KLHL6: variants seen among roughly 807,000 people sequenced by gnomAD.
The protein encoded by KLHL6 is kelch like family member 6.
A neutral mutation model predicts 58.6 loss-of-function variants in KLHL6; 41 were observed. That is an observed-to-expected ratio of 0.70 (90% CI 0.55 to 0.91). KLHL6 has a LOEUF of 0.91. Ranked by LOEUF, KLHL6 falls within the 40% of genes least tolerant of loss-of-function variation. The pLI, the probability that KLHL6 is intolerant of heterozygous loss-of-function variation, is 0.00. For synonymous variants in KLHL6, 338 were observed against 322.7 expected (o/e 1.05, Z -0.51); for missense variants, 714 against 805.6 (o/e 0.89, Z 1.38).
intron 2 of KLHL6, among the ~76,000 whole-genome samples, chr3:183,519,895 C>CAAAAAAAAAAAAAAA (rs56101517): frequency 3.6e-5 from 3 of 83,256 alleles, no homozygotes; most frequent in African/African-American, 1.1e-4. Context: ...AACCCTGTCT[C>CAAAAAAAAAAAAAAA]AAAAAAAAAA....
intron 3 of KLHL6, among the ~76,000 whole-genome samples, chr3:183,500,348 G>C (rs576319184): frequency 1.5e-3 from 222 of 152,318 alleles, no homozygotes; most frequent in African/African-American, 5.1e-3. Flanking sequence ...GAAGGAATCA[G>C]GGTGTGGCCA....
At chr3:183,521,493 TC>T (rs1342119757) in intron 2 of KLHL6, 1 of 152,186 alleles carries the variant, frequency 6.6e-6, no homozygotes, top group African/African-American at 2.4e-5. Context: ...CTAGCTGCCT[TC>T]AGGGTGATGG....
rs144672351 is a variant in KLHL6, at chr3:183,506,829, AAAATAAATAAATAAATAAATAAAT to A, written c.909+1206_909+1229del. ...GGCAACAGAGCAAGACCTCCTCTCA[AAAATAAATAAATAAATAAATAAAT>A]AAATAAATAAATAAATAAATAAAAG... On this transcript the variant is annotated intron_variant, in intron 3 of 6. Transcript: ENST00000341319. 4.9e-5 allele frequency among the ~76,000 whole-genome samples: 7 copies of A among 143,812 alleles called. No individual in the cohort carries two copies. The East Asian group carries it at 6.0e-4, about 12-fold the overall frequency. 94.3% of individuals were successfully genotyped at this position (143,812 alleles called of 152,430 possible). A position where few individuals can be genotyped will look rare whatever the true frequency, so the allele number is the denominator to read the frequency against.
At chr3:183,513,549 C>T (rs530215617) in intron 2 of KLHL6, among the ~76,000 whole-genome samples, 1 of 152,268 alleles carries the variant, frequency 6.6e-6, no homozygotes, top group African/African-American at 2.4e-5. Flanking sequence ...CCTATTCCTG[C>T]TTGGTGGCTG....
chr3:183,546,061 A>G (rs1398150289), intron 1 of KLHL6, among the ~76,000 whole-genome samples: 1 of 152,178 alleles, frequency 6.6e-6, no homozygotes, highest in Non-Finnish European at 1.5e-5. Context: ...CTGCCTTCAC[A>G]TGGCTTGCAT....
chr3:183,552,200 C>T (rs1229828240), intron 1 of KLHL6: 1 of 152,006 alleles, frequency 6.6e-6, no homozygotes, highest in Non-Finnish European at 1.5e-5. Context: ...TCAAGAAATG[C>T]ATATGAAAAA....
intron 1 of KLHL6, among the ~76,000 whole-genome samples, chr3:183,551,122 G>GAA (rs35352469): frequency 9.9e-5 from 13 of 131,656 alleles, no homozygotes; most frequent in African/African-American, 1.7e-4. Flanking sequence ...CTCTGTCTCA[G>GAA]AAAAAAAAAA....
intron 1 of KLHL6, among the ~76,000 whole-genome samples, chr3:183,554,450 G>C (rs1713036806): frequency 6.6e-6 from 1 of 152,176 alleles, no homozygotes; most frequent in Admixed American, 6.5e-5. Flanking sequence ...GACATTCAGA[G>C]CACTTTGTGA....
In KLHL6 at chr3:183,492,405, T is replaced by G; in HGVS notation, c.1564+89A>C. ...CCTAGGGGCAGTGAGTTGCCAGCGC[T>G]GGAGACACCGCGACACACCGTTTAC... On this transcript the variant is annotated intron_variant, in intron 6 of 6. Transcript: ENST00000341319. This position sits in a 1 kb window ranked among gnomAD's most constrained non-coding sequence, Gnocchi z 5.9. 2 of 1,455,846 alleles carry G rather than the reference T, an allele frequency of 1.4e-6. No individual in the cohort carries two copies. The highest frequency in any genetic ancestry group is 4.7e-5 in the East Asian group (2 of 42,918). 90.2% of individuals were successfully genotyped at this position (1,455,846 alleles called of 1,614,324 possible).
chr3:183,548,567 A>C (rs188107200), intron 1 of KLHL6, among the ~76,000 whole-genome samples: 19 of 152,318 alleles, frequency 1.2e-4, no homozygotes, highest in African/African-American at 4.3e-4. Context: ...AGCTACAAAA[A>C]TCAGGCATAA....
At chr3:183,528,113 T>G in intron 1 of KLHL6, 103 bp from the exon 2 acceptor site, 1 of 1,333,168 alleles carries the variant, frequency 7.5e-7, no homozygotes, top group Non-Finnish European at 1.1e-6. Flanking sequence ...ACAGGGGGTT[T>G]CCCAAGGTCA....
chr3:183,502,302 CAA>C (rs56296492), intron 3 of KLHL6, among the ~76,000 whole-genome samples: 1 of 138,786 alleles, frequency 7.2e-6, no homozygotes, highest in Non-Finnish European at 1.6e-5. Flanking sequence ...AACTCCATCT[CAA>C]AAAAAAAAAA....
intron 1 of KLHL6, among the ~76,000 whole-genome samples, chr3:183,553,393 C>T (rs1713001490): frequency 6.6e-6 from 1 of 152,192 alleles, no homozygotes; most frequent in Non-Finnish European, 1.5e-5. Context: ...AACTCGAGGG[C>T]ACACAGCCAG....
At position 183,534,935 on chromosome 3, in the gene KLHL6, T is replaced by C. The variant is rs1429622387; in HGVS notation, c.294-6925A>G. ...GTATATATGTATGCATATATATACATATATATATATATATATTTTTTTTTT... is the reference window on the plus strand; with the variant it reads ...GTATATATGTATGCATATATATACACATATATATATATATATTTTTTTTTT... On this transcript the variant is annotated intron_variant, in intron 1 of 6. Transcript: ENST00000341319. Among the ~76,000 whole-genome samples, 33 of 130,712 alleles carry C rather than the reference T, an allele frequency of 2.5e-4. 2 individuals are homozygous for C. The highest frequency in any genetic ancestry group is 1.7e-3 in the East Asian group (8 of 4,580). 85.8% of individuals were successfully genotyped at this position (130,712 alleles called of 152,430 possible). A position where few individuals can be genotyped will look rare whatever the true frequency, so the allele number is the denominator to read the frequency against.
At chr3:183,512,904 G>A (rs1718230148) in intron 2 of KLHL6, among the ~76,000 whole-genome samples, 2 of 152,188 alleles carry the variant, frequency 1.3e-5, no homozygotes, top group South Asian at 2.1e-4. Context: ...AAGAAAGGGA[G>A]AATTACTTTA....
chr3:183,553,053 T>C (rs954894874), intron 1 of KLHL6, among the ~76,000 whole-genome samples: 1 of 152,064 alleles, frequency 6.6e-6, no homozygotes, highest in African/African-American at 2.4e-5. Context: ...ATAGGAATAG[T>C]AGCACCGGAA....
intron 2 of KLHL6, among the ~76,000 whole-genome samples, chr3:183,523,348 G>A (rs1452849001): frequency 6.6e-6 from 1 of 152,208 alleles, no homozygotes; most frequent in African/African-American, 2.4e-5. Flanking sequence ...CAATCCTAGG[G>A]AAATAAGCAA....
At chr3:183,516,419 A>G (rs1711561964) in intron 2 of KLHL6, among the ~76,000 whole-genome samples, 2 of 152,228 alleles carry the variant, frequency 1.3e-5, no homozygotes, top group Non-Finnish European at 2.9e-5. Context: ...CTGAGAGATG[A>G]CAGATAATGG....
intron 2 of KLHL6, chr3:183,521,423 T>C (rs1486581538): frequency 1.3e-5 from 2 of 152,254 alleles, no homozygotes; most frequent in African/African-American, 2.4e-5. Flanking sequence ...CACAGAGCAC[T>C]GCTGGTTCTC....
Sources: gnomAD v4.1 joint callset for allele counts (sites outside exome capture counted in the v4.1 genomes callset) on GRCh38, gnomAD v4.1.1 for gene constraint, Gnocchi (gnomAD v3.1) non-coding constraint, MANE v1.5 for transcripts, NCBI Gene and HGNC (gene_info 2026-07-23, HGNC 2026-07-21) for gene names.